Variants in GALK2 observed in about 807,000 individuals in gnomAD.
GALK2 encodes galactokinase 2.
A neutral mutation model predicts 52.4 loss-of-function variants in GALK2; 36 were observed. The ratio of observed to expected loss-of-function variants is 0.69; its 90% CI spans 0.53 to 0.91. GALK2 has a LOEUF of 0.91. Ranked by LOEUF, GALK2 falls within the 40% of genes least tolerant of loss-of-function variation. The probability of loss-of-function intolerance (pLI) is 0.00; values close to 1 mark genes in which losing one functional copy is unlikely to be tolerated. For synonymous variants in GALK2, 176 were observed against 199.1 expected, an observed-to-expected ratio of 0.88 and a Z score of 0.98; for missense variants, 579 against 559.1, an observed-to-expected ratio of 1.04 and a Z score of -0.36.
chr15:49,259,518 C>G (rs1458792186), intron 5 of GALK2, among the ~76,000 whole-genome samples: 1 of 150,640 alleles, frequency 6.6e-6, no homozygotes, highest in Admixed American at 6.6e-5. Flanking sequence ...AGGACATGAA[C>G]TCATCATTTT....
At chr15:49,297,482 TTCA>T (rs1485937414) in intron 8 of GALK2, among the ~76,000 whole-genome samples, 1 of 152,234 alleles carries the variant, frequency 6.6e-6, no homozygotes, top group Non-Finnish European at 1.5e-5. Context: ...TTTTAGAGAT[TTCA>T]TCATGAAATC....
chr15:49,281,865 G>T (rs1033304496), intron 5 of GALK2, 122 bp from the exon 6 acceptor site: 6 of 633,538 alleles, frequency 9.5e-6, no homozygotes, highest in African/African-American at 9.2e-5. Flanking sequence ...CTCCAGGCAG[G>T]CTACTATTAG....
intron 2 of GALK2, among the ~76,000 whole-genome samples, chr15:49,210,727 C>T (rs74849546): frequency 1.2e-4 from 18 of 152,150 alleles, no homozygotes; most frequent in Middle Eastern, 3.4e-3. Context: ...AGGCGTGAGT[C>T]GCCGTGCCTG....
At chr15:49,157,296 G>T (rs1320848729) in intron 1 of GALK2, among the ~76,000 whole-genome samples, 1 of 152,110 alleles carries the variant, frequency 6.6e-6, no homozygotes, top group Non-Finnish European at 1.5e-5. Context: ...TCTTGCTAGG[G>T]AAAGAGACTC....
At chr15:49,257,746 A>G (rs17396612) in intron 5 of GALK2, among the ~76,000 whole-genome samples, 37,509 of 151,848 alleles carry the variant, frequency 0.25, 4,928 homozygotes, top group African/African-American at 0.31. Flanking sequence ...GGGTAGAAGT[A>G]GGAAATACAG....
chr15:49,260,200 G>T (rs2141618984), intron 5 of GALK2, among the ~76,000 whole-genome samples: 1 of 152,282 alleles, frequency 6.6e-6, no homozygotes, highest in Non-Finnish European at 1.5e-5. Context: ...CCCACCAACA[G>T]TGTAAAAGTG....
intron 3 of GALK2, among the ~76,000 whole-genome samples, chr15:49,338,148 T>C (rs1454773169): frequency 6.6e-6 from 1 of 152,236 alleles, no homozygotes; most frequent in African/African-American, 2.4e-5. Context: ...TTAATATTGT[T>C]ATGTGTGAAC....
At position 49,254,965 on chromosome 15, in the gene GALK2, A is replaced by G. The variant is rs903635405; in HGVS notation, c.504+15598A>G. Among the ~76,000 whole-genome samples the G allele has an allele frequency of 1.0e-3, 144 of 143,888 alleles. 13 individuals are homozygous for G. Among genetic ancestry groups the G allele is most frequent in the African/African-American group, 3.3e-3 (135 of 40,334 alleles). 94.4% of individuals were successfully genotyped at this position (143,888 alleles called of 152,430 possible). A position where few individuals can be genotyped will look rare whatever the true frequency, so the allele number is the denominator to read the frequency against. On this transcript the variant is annotated intron_variant, in intron 5 of 9. Coordinates refer to ENST00000560031, the MANE Select transcript of GALK2 (RefSeq NM_002044.4). ...GTCTTTCACATAGATCCTTGGAAAC[A>G]TTTTGCCACATTTGCTTTATCTTTC...
chr15:49,240,257 G>A (rs1446496944), intron 5 of GALK2, among the ~76,000 whole-genome samples: 2 of 152,146 alleles, frequency 1.3e-5, no homozygotes, highest in African/African-American at 4.8e-5. Flanking sequence ...ATTATTTTTT[G>A]AGAAGAGAAG....
At chr15:49,244,607 TAA>T (rs1292538400) in intron 5 of GALK2, among the ~76,000 whole-genome samples, 2 of 152,094 alleles carry the variant, frequency 1.3e-5, no homozygotes, top group African/African-American at 4.8e-5. Flanking sequence ...ATGTAAAGTG[TAA>T]AAGTCTAGAG....
At chr15:49,245,798 CA>C (rs1396179677) in intron 5 of GALK2, among the ~76,000 whole-genome samples, 3 of 152,100 alleles carry the variant, frequency 2.0e-5, no homozygotes, top group Non-Finnish European at 4.4e-5. Flanking sequence ...TAATTTCCTA[CA>C]ATGTTACAAA....
intron 3 of GALK2, among the ~76,000 whole-genome samples, chr15:49,360,460 AT>A (rs1382511110): frequency 6.6e-6 from 1 of 152,148 alleles, no homozygotes; most frequent in Non-Finnish European, 1.5e-5. Flanking sequence ...TGAGTTTTCA[AT>A]TTTTTAAATA....
At chr15:49,205,822 A>C (rs1416937750) in intron 2 of GALK2, among the ~76,000 whole-genome samples, 2 of 152,170 alleles carry the variant, frequency 1.3e-5, no homozygotes, top group African/African-American at 4.8e-5. Context: ...AATGTCTAGA[A>C]GGGTTTATCC....
intron 8 of GALK2, among the ~76,000 whole-genome samples, chr15:49,295,904 CCTTT>C (rs1476209209): frequency 4.6e-5 from 7 of 152,108 alleles, no homozygotes; most frequent in African/African-American, 7.2e-5. Context: ...TGCCTGTCTT[CCTTT>C]CTTTTAGATT....
intron 3 of GALK2, among the ~76,000 whole-genome samples, chr15:49,234,739 G>A (rs1365149449): frequency 1.3e-5 from 2 of 152,040 alleles, no homozygotes; most frequent in African/African-American, 4.8e-5. Flanking sequence ...GATGAGATTT[G>A]AGTGGGGACA....
chr15:49,283,813 A>T lies in GALK2; in HGVS notation c.756+95A>T, dbSNP rs2033034601. On this transcript the variant is annotated intron_variant, in intron 7 of 9. Transcript: ENST00000560031. ...TACTTTATCTCTTTCCCCAAATTTT[A>T]GGGCAACATTCTGACTGCACAGCAT... 4 of 1,290,008 alleles carry T rather than the reference A, an allele frequency of 3.1e-6. No homozygotes were observed. In the South Asian group the frequency reaches 5.6e-5, roughly 18 times the overall value. The allele number at this position is 1,290,008 out of a possible 1,614,324, so 79.9% of individuals were successfully genotyped here.
At chr15:49,198,379 A>G (rs1450445607) in intron 1 of GALK2, among the ~76,000 whole-genome samples, 1 of 152,218 alleles carries the variant, frequency 6.6e-6, no homozygotes, top group Non-Finnish European at 1.5e-5. Context: ...CACATACTTC[A>G]TGCCAGTGCT....
intron 3 of GALK2, among the ~76,000 whole-genome samples, chr15:49,233,889 T>C (rs889051913): frequency 2.0e-5 from 3 of 152,214 alleles, no homozygotes; most frequent in African/African-American, 7.2e-5. Context: ...GGTAGTTATT[T>C]ATGTTCATGT....
Position 49,240,284 on chromosome 15 carries a change from G to A in GALK2, c.504+917G>A, listed in dbSNP as rs186583908. Among the ~76,000 whole-genome samples, 8 of 152,268 alleles carry A rather than the reference G, an allele frequency of 5.3e-5. No individual in the cohort carries two copies. The East Asian group carries it at 1.3e-3, about 26-fold the overall frequency. On this transcript the variant is annotated intron_variant, in intron 5 of 9. Coordinates refer to ENST00000560031, the MANE Select transcript of GALK2 (RefSeq NM_002044.4). ...GAAGAGAAGAAGCAAGGGACAGGAA[G>A]TCCATGTGTAAAATGTGTTTCCCCT...
Sources: gnomAD v4.1 joint callset for allele counts (sites outside exome capture counted in the v4.1 genomes callset) on GRCh38, gnomAD v4.1.1 for gene constraint, MANE v1.5 for transcripts, NCBI Gene and HGNC (gene_info 2026-07-23, HGNC 2026-07-21) for gene names.